The following RRP1B variants were observed in gnomAD, a reference collection of about 807,000 sequenced individuals.
RRP1B encodes the protein ribosomal RNA processing 1B.
A neutral mutation model predicts 80.2 loss-of-function variants in RRP1B; 56 were observed. That is an observed-to-expected ratio of 0.70 (90% confidence interval 0.56 to 0.87). The LOEUF is 0.87. Ranked by LOEUF, RRP1B falls within the 40% of genes least tolerant of loss-of-function variation. The probability of loss-of-function intolerance (pLI) is 0.00; values close to 1 mark genes in which losing one functional copy is unlikely to be tolerated. For synonymous variants in RRP1B, 351 were observed against 357.6 expected (o/e 0.98, Z 0.21); for missense variants, 807 against 939.8 (o/e 0.86, Z 1.85).
intron 15 of RRP1B, among the ~76,000 whole-genome samples, chr21:43,692,567 C>T (rs1025006319): frequency 2.0e-5 from 3 of 151,536 alleles, no homozygotes; most frequent in Admixed American, 1.3e-4. Context: ...TCACTGCACT[C>T]CAGCCTGGGT....
intron 1 of RRP1B, among the ~76,000 whole-genome samples, chr21:43,668,269 T>C (rs2082986290): frequency 6.6e-6 from 1 of 151,674 alleles, no homozygotes; most frequent in Non-Finnish European, 1.5e-5. Flanking sequence ...GAAAGACCCT[T>C]AGCAAAGTGG....
At position 43,687,668 on chromosome 21, in the gene RRP1B, G is replaced by A. The variant is rs575488096; in HGVS notation, c.1294G>A (p.Glu432Lys). The stretch of plus-strand genomic sequence containing the variant: ...GGAACAGAACCGGGGCAGGGAGCCC[G>A]AGGCCTCTGGGCTGAAAGCCCTGAA... The part of the protein sequence containing the change: ...SLEQNRGREP[E>K]ASGLKALKAR... The change falls in exon 13 of 16, where the codon GAG (glutamate) becomes AAG (lysine). Residue 432 changes from glutamate (E) to lysine (K), a missense_variant. Physicochemically the swap from Glu to Lys is moderately conservative, Grantham distance 56. Transcript: ENST00000340648. 7.1e-5 allele frequency: 113 copies of A among 1,593,936 alleles called. 2 individuals are homozygous for A. Among genetic ancestry groups the A allele is most frequent in the South Asian group, 3.9e-4 (35 of 89,610 alleles).
chr21:43,665,245 G>C (rs145049208), intron 1 of RRP1B, among the ~76,000 whole-genome samples: 55 of 152,336 alleles, frequency 3.6e-4, no homozygotes, highest in Non-Finnish European at 6.5e-4. Flanking sequence ...AAGTGAGAAA[G>C]ACCAGAATAC....
Position 43,688,053 on chromosome 21 carries a change from G to A in RRP1B, c.1679G>A (p.Ser560Asn). The change falls in exon 13 of 16, where the codon AGC becomes AAC. Residue 560 changes from serine (S) to asparagine (N), a missense_variant. Transcript: ENST00000340648. ...ACAGGCCCCGCAGAGGGGGCGAACA[G>A]CCACACCACGCTGCCCCAGCGCAGG... is the stretch of plus-strand genomic sequence containing the variant. ...PPTGPAEGAN[S>N]HTTLPQRRRL... 6.2e-7 allele frequency: 1 copy of A among 1,612,444 alleles called. No individual in the cohort carries two copies.
intron 13 of RRP1B, among the ~76,000 whole-genome samples, chr21:43,688,835 GCTGGA>G: frequency 6.6e-6 from 1 of 152,326 alleles, no homozygotes; most frequent in Non-Finnish European, 1.5e-5. Context: ...TGTCACCCAG[GCTGGA>G]GTGCGGTGGC....
At chr21:43,684,529 T>G in intron 9 of RRP1B, 24 bp from the exon 10 acceptor site, 1 of 1,603,098 alleles carries the variant, frequency 6.2e-7, no homozygotes, top group Non-Finnish European at 8.5e-7. Flanking sequence ...TGCAGACTTA[T>G]GTTTAGTTTC....
Position 43,683,267 on chromosome 21 carries a change from A to G in RRP1B, c.797-12A>G. 4 of 1,609,984 alleles carry G rather than the reference A, an allele frequency of 2.5e-6. No homozygotes were observed. The highest frequency in any genetic ancestry group is 3.3e-4 in the Middle Eastern group (2 of 6,052). On this transcript the variant is annotated splice_polypyrimidine_tract_variant and intron_variant, in intron 8 of 15. Coordinates refer to ENST00000340648, the MANE Select transcript of RRP1B (RefSeq NM_015056.3). ...TATGTCAATAATTTGGTCTTTGGGT[A>G]TATTTTGACAGCACTGGGCAAAAAC... is the stretch of plus-strand genomic sequence containing the variant.
In RRP1B at chr21:43,676,790, T is replaced by G. The variant is rs112656401; in HGVS notation, c.672T>G (p.Ser224=). Residue 224 remains serine, a synonymous_variant, in exon 8 of 16, where the codon TCT becomes TCG. Coordinates refer to ENST00000340648, the MANE Select transcript of RRP1B (RefSeq NM_015056.3). Reference sequence around the variant, plus strand: ...TCTTCGAAGCTATCGTAGATCAGTCTCCTTTTGTGCCTGAAGAGACGATGG... The same window carrying G: ...TCTTCGAAGCTATCGTAGATCAGTCGCCTTTTGTGCCTGAAGAGACGATGG... ...RGVFEAIVDQ[S]PFVPEETMEE... 6.2e-7 allele frequency: 1 copy of G among 1,614,254 alleles called. No individual in the cohort carries two copies. Among genetic ancestry groups the G allele is most frequent in the African/African-American group, 1.3e-5 (1 of 75,062 alleles).
rs2083095643 is a variant in RRP1B, at chr21:43,693,581, C to A, written c.*198C>A. 9.4e-6 allele frequency: 5 copies of A among 530,108 alleles called. No homozygotes were observed. Among genetic ancestry groups the A allele is most frequent in the Non-Finnish European group, 1.3e-5 (4 of 310,836 alleles). The allele number at this position is 530,108 out of a possible 1,614,324, so 32.8% of individuals were successfully genotyped here. On this transcript the variant is annotated 3_prime_UTR_variant, in exon 16 of 16. Coordinates refer to ENST00000340648, the MANE Select transcript of RRP1B (RefSeq NM_015056.3). The surrounding 1 kb of genome is among the most constrained non-coding windows in gnomAD (Gnocchi z 4.1). ...GGCGTCTTGGTTGAATCTTTTGCTACAAACCATGTTTGCGTTTGAGCTCTC... is the reference window on the plus strand; with the variant it reads ...GGCGTCTTGGTTGAATCTTTTGCTAAAAACCATGTTTGCGTTTGAGCTCTC...
chr21:43,680,102 G>A (rs999564826), intron 8 of RRP1B, among the ~76,000 whole-genome samples: 14 of 152,106 alleles, frequency 9.2e-5, no homozygotes, highest in African/African-American at 3.4e-4. Flanking sequence ...TGAGTGTTTA[G>A]GGTTTTCTAG....
intron 8 of RRP1B, among the ~76,000 whole-genome samples, chr21:43,680,585 G>A (rs995056437): frequency 2.6e-5 from 4 of 151,906 alleles, no homozygotes; most frequent in African/African-American, 7.2e-5. Flanking sequence ...AAGAGAGACA[G>A]TGTCTTGCTC....
chr21:43,676,254 C>A lies in RRP1B; in HGVS notation c.550-18C>A, dbSNP rs758415335. On this transcript the variant is annotated intron_variant, in intron 6 of 15. Transcript: ENST00000340648. ...GGGAAAGGCTCTTTCTCAATTTTTC[C>A]CTTTTTCTAAATTACAGCTTTTAGC... The A allele has an allele frequency of 1.3e-5, 21 of 1,585,966 alleles. No individual in the cohort carries two copies. In the African/African-American group the frequency reaches 2.4e-4, roughly 18 times the overall value.
rs780359143 is a variant in RRP1B at position 43,676,330 on chromosome 21, CGAA to C, written c.610_612del (p.Lys204del). 1 of 1,609,856 alleles carries C rather than the reference CGAA, an allele frequency of 6.2e-7. No homozygotes were observed. Among genetic ancestry groups the C allele is most frequent in the Non-Finnish European group, 8.5e-7 (1 of 1,176,410 alleles). On this transcript the variant is annotated inframe_deletion, in exon 7 of 16. Coordinates refer to ENST00000340648, the MANE Select transcript of RRP1B (RefSeq NM_015056.3). The stretch of plus-strand genomic sequence containing the variant: ...CCATTCTGCAAAATTGCTGCGAAGA[CGAA>C]GGAGTAAGTGATTCCCCTGTTCGTT...
chr21:43,671,196 G>C (rs1451881509), intron 2 of RRP1B, among the ~76,000 whole-genome samples: 1 of 152,062 alleles, frequency 6.6e-6, no homozygotes, highest in African/African-American at 2.4e-5. Flanking sequence ...CCTTCACCCA[G>C]GACAGAGCCC....
In RRP1B at chr21:43,686,934, A is replaced by T. The variant is rs1208004976; in HGVS notation, c.1140A>T (p.Lys380Asn). 2 of 1,613,004 alleles carry T rather than the reference A, an allele frequency of 1.2e-6. No individual in the cohort carries two copies. The highest frequency in any genetic ancestry group is 2.2e-5 in the East Asian group (1 of 44,868). ...AGAAAACTAACTTGGAAAAGGAGAA[A>T]GGTAAGCTGTAAAGCTAAAAAGAAG... Reference protein sequence around the residue: ...LLEKTNLEKEKGSRVFCVEEE... With the variant: ...LLEKTNLEKENGSRVFCVEEE... Residue 380 changes from lysine to asparagine, a missense_variant and splice_region_variant, in exon 12 of 16, where the codon AAA (lysine) becomes AAT (asparagine). Lys to Asn is a moderately conservative substitution (Grantham distance 94). Transcript: ENST00000340648.
intron 3 of RRP1B, among the ~76,000 whole-genome samples, chr21:43,673,569 G>A (rs896528050): frequency 1.3e-5 from 2 of 151,190 alleles, no homozygotes; most frequent in Non-Finnish European, 2.9e-5. Flanking sequence ...AGGAGGCAGA[G>A]GTTGCAATGA....
chr21:43,674,738 C>T (rs2083014605), intron 5 of RRP1B, 41 bp downstream of exon 5: 2 of 1,532,832 alleles, frequency 1.3e-6, no homozygotes, highest in South Asian at 2.3e-5. Flanking sequence ...AGCCTTAAAA[C>T]TTAAAAGGTA....
chr21:43,668,360 CTTTTT>C (rs767474011), intron 1 of RRP1B, among the ~76,000 whole-genome samples: 1 of 140,540 alleles, frequency 7.1e-6, no homozygotes, highest in African/African-American at 2.6e-5. Context: ...CTTTTTGTCA[CTTTTT>C]TTTTTTTTTT....
chr21:43,683,775 T>C (rs2083052251), intron 9 of RRP1B, among the ~76,000 whole-genome samples: 2 of 151,612 alleles, frequency 1.3e-5, no homozygotes, highest in African/African-American at 4.9e-5. Flanking sequence ...AGGTCAAGAG[T>C]TCGAGACCAG....
Sources: gnomAD v4.1 joint callset for allele counts (sites outside exome capture counted in the v4.1 genomes callset) on GRCh38, gnomAD v4.1.1 for gene constraint, Gnocchi (gnomAD v3.1) non-coding constraint, MANE v1.5 for transcripts, NCBI Gene and HGNC (gene_info 2026-07-23, HGNC 2026-07-21) for gene names.